The following VWA5A variants were observed in gnomAD, a reference collection of about 807,000 sequenced individuals.
VWA5A encodes the protein von Willebrand factor A domain-containing protein 5A.
VWA5A carries 77 observed loss-of-function variants against 84.6 expected under a neutral mutation model. That is an observed-to-expected ratio of 0.91 (90% CI 0.76 to 1.10). The LOEUF (loss-of-function observed/expected upper bound fraction) is 1.10. Among genes scored for constraint, VWA5A ranks in the 50% least tolerant of loss-of-function variants. VWA5A has a pLI of 0.00. For synonymous variants in VWA5A, 334 were observed against 350.1 expected (o/e 0.95, Z 0.51); for missense variants, 973 against 963.0 (o/e 1.01, Z -0.14).
chr11:124,124,055 C>G (rs1864978817), intron 10 of VWA5A, among the ~76,000 whole-genome samples, 182 bp from the exon 11 acceptor site: 1 of 152,058 alleles, frequency 6.6e-6, no homozygotes, highest in Non-Finnish European at 1.5e-5. Context: ...TAAAAATTCC[C>G]AGGGTTCTGA....
rs776243671 is a variant in VWA5A at position 124,118,612 on chromosome 11, C to T, written c.549C>T (p.Val183=). The part of the protein sequence containing the change: ...VEDLPYTLSM[V]ATIDSQHGIE... Reference sequence around the variant, plus strand: ...ACCTGCCCTACACACTCAGCATGGTCGCCACCATAGATTCCCAGCATGGCA... The same window carrying T: ...ACCTGCCCTACACACTCAGCATGGTTGCCACCATAGATTCCCAGCATGGCA... Residue 183 remains valine (V), a synonymous_variant, in exon 6 of 19, where the codon GTC becomes GTT. Transcript: ENST00000456829. 30 of 1,614,046 alleles carry T rather than the reference C, an allele frequency of 1.9e-5. No individual in the cohort carries two copies. The South Asian group carries it at 2.3e-4, about 12-fold the overall frequency.
chr11:124,140,942 C>G (rs1048009018), intron 15 of VWA5A, among the ~76,000 whole-genome samples: 1 of 152,102 alleles, frequency 6.6e-6, no homozygotes, highest in Non-Finnish European at 1.5e-5. Context: ...GTCTTCATGG[C>G]TTGGGAGGAA....
intron 7 of VWA5A, among the ~76,000 whole-genome samples, chr11:124,120,215 A>G (rs1330962485): frequency 1.3e-5 from 2 of 152,158 alleles, no homozygotes; most frequent in African/African-American, 4.8e-5. Flanking sequence ...AATGTTTATT[A>G]CTTTTGAAAT....
intron 11 of VWA5A, among the ~76,000 whole-genome samples, chr11:124,132,483 A>G (rs916128587): frequency 2.0e-5 from 3 of 151,842 alleles, no homozygotes; most frequent in Non-Finnish European, 2.9e-5. Context: ...TTCATATTTT[A>G]TGTGTTCTTA....
chr11:124,121,706 C>T (rs942592688), intron 7 of VWA5A, among the ~76,000 whole-genome samples: 1 of 152,174 alleles, frequency 6.6e-6, no homozygotes, highest in African/African-American at 2.4e-5. Context: ...AACAAAGAAG[C>T]TGAGACTCAT....
At chr11:124,138,951 ATGTG>A (rs1860672637) in intron 15 of VWA5A, among the ~76,000 whole-genome samples, 2 of 152,138 alleles carry the variant, frequency 1.3e-5, no homozygotes, top group Admixed American at 1.3e-4. Flanking sequence ...TGGTTTTTCT[ATGTG>A]ATGAGAGATA....
At position 124,117,558 on chromosome 11, in the gene VWA5A, A is replaced by C; in HGVS notation, c.43+4A>C. 1 of 1,614,198 alleles carries C rather than the reference A, an allele frequency of 6.2e-7. No homozygotes were observed. Among genetic ancestry groups the C allele is most frequent in the Non-Finnish European group, 8.5e-7 (1 of 1,180,030 alleles). The stretch of plus-strand genomic sequence containing the variant: ...CTCACCCTCCACCGGGAGCCAGGTA[A>C]GCCTAATTTGTGACTCTTACTTGCC... On this transcript the variant is annotated splice_donor_region_variant and intron_variant, in intron 3 of 18. Coordinates refer to ENST00000456829, the MANE Select transcript of VWA5A (RefSeq NM_001130142.2).
chr11:124,123,297 C>G, intron 8 of VWA5A, 69 bp from the exon 9 acceptor site: 8 of 1,536,152 alleles, frequency 5.2e-6, no homozygotes, highest in Non-Finnish European at 7.1e-6. Flanking sequence ...CCTCAAGAGT[C>G]GATTGACAGG....
chr11:124,122,553 G>A (rs945638299), intron 7 of VWA5A, among the ~76,000 whole-genome samples: 9 of 152,148 alleles, frequency 5.9e-5, no homozygotes, highest in African/African-American at 2.2e-4. Context: ...AAAGACTTAA[G>A]GCCCATGTGA....
intron 10 of VWA5A, 75 bp downstream of exon 10, chr11:124,123,879 T>G: frequency 6.7e-7 from 1 of 1,490,404 alleles, no homozygotes; most frequent in Non-Finnish European, 8.9e-7. Flanking sequence ...CTGAGCTTCA[T>G]GCAGTATGTT....
intron 16 of VWA5A, 91 bp from the exon 17 acceptor site, chr11:124,142,351 T>C: frequency 6.6e-7 from 1 of 1,514,754 alleles, no homozygotes; most frequent in Admixed American, 1.9e-5. Flanking sequence ...TGCTATGGCC[T>C]GTCTCTGAAT....
Position 124,143,727 on chromosome 11 carries a change from G to A in VWA5A, c.2154+1155G>A, listed in dbSNP as rs1462758542. Reference sequence around the variant, plus strand: ...TGTTTCTAGCATTATATTTTTATTGGAAAATGCTGTTCTAGAAAAGTAATT... The same window carrying A: ...TGTTTCTAGCATTATATTTTTATTGAAAAATGCTGTTCTAGAAAAGTAATT... On this transcript the variant is annotated intron_variant, in intron 17 of 18. Transcript: ENST00000456829. 2.0e-5 allele frequency among the ~76,000 whole-genome samples: 3 copies of A among 151,986 alleles called. No individual in the cohort carries two copies. The East Asian group carries it at 5.8e-4, about 29-fold the overall frequency.
rs781404784 is a variant in VWA5A at position 124,136,629 on chromosome 11, T to C, written c.1580T>C (p.Phe527Ser). The C allele has an allele frequency of 2.5e-5, 40 of 1,614,048 alleles. No homozygotes were observed. Among genetic ancestry groups the C allele is most frequent in the Non-Finnish European group, 3.1e-5 (37 of 1,180,042 alleles). The change falls in exon 14 of 19, where the codon TTT (phenylalanine) becomes TCT (serine). Residue 527 changes from phenylalanine (F) to serine (S), a missense_variant. Phe to Ser is a radical substitution (Grantham distance 155). Coordinates refer to ENST00000456829, the MANE Select transcript of VWA5A (RefSeq NM_001130142.2). ...CLKYTLQGKTFEDKVTFPLQP... is the reference protein window; with the variant it reads ...CLKYTLQGKTSEDKVTFPLQP... The stretch of plus-strand genomic sequence containing the variant: ...AAATATACACTCCAGGGCAAGACTT[T>C]TGAGGATAAGGTGACATTTCCTCTA...
At chr11:124,119,893 T>G (rs1465992583) in intron 7 of VWA5A, among the ~76,000 whole-genome samples, 1 of 152,236 alleles carries the variant, frequency 6.6e-6, no homozygotes, top group Non-Finnish European at 1.5e-5. Flanking sequence ...TGTGATTAGA[T>G]TGACTAAGTT....
At chr11:124,136,525 G>T in intron 13 of VWA5A, 49 bp from the exon 14 acceptor site, 1 of 1,576,194 alleles carries the variant, frequency 6.3e-7, no homozygotes, top group Non-Finnish European at 8.7e-7. Context: ...TTCCATGGAT[G>T]ATCAGAACAT....
intron 15 of VWA5A, among the ~76,000 whole-genome samples, chr11:124,137,589 C>G (rs562528943): frequency 1.1e-4 from 16 of 152,300 alleles, no homozygotes; most frequent in African/African-American, 3.9e-4. Flanking sequence ...ATTCAAATAT[C>G]ATACAATTCA....
At chr11:124,141,500 C>A in intron 15 of VWA5A, 98 bp from the exon 16 acceptor site, 2 of 1,477,284 alleles carry the variant, frequency 1.4e-6, no homozygotes, top group Non-Finnish European at 1.8e-6. Flanking sequence ...TGACTGAAGC[C>A]AGTGTGGATG....
rs1473094974 is a variant in VWA5A at position 124,124,283 on chromosome 11, T to A, written c.1211T>A (p.Ile404Asn). 6.2e-7 allele frequency: 1 copy of A among 1,613,978 alleles called. No individual in the cohort carries two copies. The highest frequency in any genetic ancestry group is 1.7e-5 in the Admixed American group (1 of 59,990). ...GAAGTTACAGACACGTTTAGTGTAA[T>A]TAAAGAAGTTAGGATCAACAGACAG... ...DGEVTDTFSVIKEVRINRQKH... is the reference protein window; with the variant it reads ...DGEVTDTFSVNKEVRINRQKH... Residue 404 changes from isoleucine (I) to asparagine (N), a missense_variant, in exon 11 of 19, where the codon ATT becomes AAT. Physicochemically the swap from Ile to Asn is moderately radical, Grantham distance 149. Coordinates refer to ENST00000456829, the MANE Select transcript of VWA5A (RefSeq NM_001130142.2).
At chr11:124,136,758 C>CTCCT in intron 14 of VWA5A, 84 bp downstream of exon 14, 1 of 734,132 alleles carries the variant, frequency 1.4e-6, no homozygotes, top group East Asian at 3.2e-5. Flanking sequence ...CATTCCCTCC[C>CTCCT]TCCCTCCCTC....
Sources: gnomAD v4.1 joint callset for allele counts (sites outside exome capture counted in the v4.1 genomes callset) on GRCh38, gnomAD v4.1.1 for gene constraint, MANE v1.5 for transcripts, NCBI Gene and HGNC (gene_info 2026-07-23, HGNC 2026-07-21) for gene names.